Variants in GRIK1 observed in about 807,000 individuals in gnomAD.
GRIK1 encodes glutamate receptor ionotropic, kainate 1.
Under a neutral mutation model 105.7 loss-of-function variants are expected in GRIK1, and 69 were observed. The observed-to-expected ratio is 0.65, with a 90% CI of 0.54 to 0.80. GRIK1 has a LOEUF of 0.80. GRIK1 is among the 30% of genes least tolerant of loss of function. The pLI is 0.00. For synonymous variants in GRIK1, 438 were observed against 431.3 expected, an observed-to-expected ratio of 1.02 and a Z score of -0.19; for missense variants, 1,109 against 1,167.3, an observed-to-expected ratio of 0.95 and a Z score of 0.73.
intron 1 of GRIK1, among the ~76,000 whole-genome samples, chr21:29,718,847 TAGCTC>T (rs1012370004): frequency 2.6e-5 from 4 of 152,318 alleles, no homozygotes; most frequent in East Asian, 1.9e-4. Context: ...TTGCACTCCT[TAGCTC>T]AGCTCTTACT....
chr21:29,793,915 C>A (rs2066490573), intron 1 of GRIK1, among the ~76,000 whole-genome samples: 1 of 152,084 alleles, frequency 6.6e-6, no homozygotes, highest in East Asian at 1.9e-4. Flanking sequence ...CAAACTTTGC[C>A]CTCGTGGAAG....
intron 3 of GRIK1, among the ~76,000 whole-genome samples, chr21:29,679,237 C>T (rs555471842): frequency 6.6e-6 from 1 of 152,196 alleles, no homozygotes; most frequent in Non-Finnish European, 1.5e-5. Context: ...TCAAATTAAT[C>T]CTTACAGTAA....
intron 14 of GRIK1, among the ~76,000 whole-genome samples, chr21:29,574,972 G>A (rs1204558949): frequency 6.6e-6 from 1 of 151,968 alleles, no homozygotes; most frequent in Non-Finnish European, 1.5e-5. Flanking sequence ...GGGATTACAA[G>A]CGTGAGCCAC....
chr21:29,915,951 G>T (rs1374135705), intron 1 of GRIK1, among the ~76,000 whole-genome samples: 1 of 151,868 alleles, frequency 6.6e-6, no homozygotes, highest in Non-Finnish European at 1.5e-5. Flanking sequence ...AAAACCTCAT[G>T]ATATATTCCA....
At chr21:29,824,151 A>G (rs1049652555) in intron 1 of GRIK1, among the ~76,000 whole-genome samples, 2 of 152,004 alleles carry the variant, frequency 1.3e-5, no homozygotes, top group African/African-American at 2.4e-5. Flanking sequence ...GGAAATTAAT[A>G]TATCTAATTA....
At chr21:29,707,020 G>A (rs988607804) in intron 1 of GRIK1, among the ~76,000 whole-genome samples, 7 of 152,236 alleles carry the variant, frequency 4.6e-5, no homozygotes, top group African/African-American at 7.2e-5. Context: ...GCCCGCCACC[G>A]CGCCCTGCTA....
chr21:29,584,678 A>AGACCAGCTACTTGGGAGGCTGAGGCAG (rs1197686697), intron 12 of GRIK1, among the ~76,000 whole-genome samples: 1 of 152,226 alleles, frequency 6.6e-6, no homozygotes, highest in Non-Finnish European at 1.5e-5. Flanking sequence ...AAAGAACATA[A>AGACCAGCTACTTGGGAGGCTGAGGCAG]GAGAATACAA....
chr21:29,733,306 G>T lies in GRIK1; in HGVS notation c.119-39243C>A, dbSNP rs544771825. Among the ~76,000 whole-genome samples the T allele has an allele frequency of 4.6e-5, 7 of 152,134 alleles. No homozygotes were observed. The East Asian group carries it at 1.4e-3, about 29-fold the overall frequency. On this transcript the variant is annotated intron_variant, in intron 1 of 17. Coordinates refer to ENST00000327783, the MANE Select transcript of GRIK1 (RefSeq NM_001330994.2). ...ATATAAATTTTACTGATATTAGAAT[G>T]TATACCAATAACTTATAAATAATAA...
intron 3 of GRIK1, among the ~76,000 whole-genome samples, chr21:29,674,261 ATT>A (rs34189201): frequency 1.5e-5 from 2 of 135,614 alleles, no homozygotes; most frequent in South Asian, 2.3e-4. Flanking sequence ...TTATGTAGCT[ATT>A]TTTTTTTTTA....
At chr21:29,686,487 G>A (rs529010327) in intron 3 of GRIK1, among the ~76,000 whole-genome samples, 3 of 152,316 alleles carry the variant, frequency 2.0e-5, no homozygotes, top group South Asian at 2.1e-4. Flanking sequence ...CACTTCATAT[G>A]TGTACAAAAT....
At chr21:29,734,416 CTTTTCTTTTT>C (rs71191122) in intron 1 of GRIK1, among the ~76,000 whole-genome samples, 8,517 of 27,102 alleles carry the variant, frequency 0.31, 1,155 homozygotes, top group Non-Finnish European at 0.49. Context: ...CTTTTCTTTT[CTTTTCTTTTT>C]GAGACAGAGT....
intron 1 of GRIK1, among the ~76,000 whole-genome samples, chr21:29,798,706 C>T (rs1208359779): frequency 6.6e-6 from 1 of 152,188 alleles, no homozygotes; most frequent in African/African-American, 2.4e-5. Context: ...CCTCTCAATT[C>T]CTGTCTCCAA....
rs2090221757 is a variant in GRIK1 at position 29,555,238 on chromosome 21, A to G, written c.2421T>C (p.His807=). 1 of 1,613,628 alleles carries G rather than the reference A, an allele frequency of 6.2e-7. No individual in the cohort carries two copies. Among genetic ancestry groups the G allele is most frequent in the Non-Finnish European group, 8.5e-7 (1 of 1,179,642 alleles). The change falls in exon 16 of 18, where the codon CAT becomes CAC. Residue 807 remains histidine (H), a synonymous_variant. Coordinates refer to ENST00000327783, the MANE Select transcript of GRIK1 (RefSeq NM_001330994.2). The part of the protein sequence containing the change: ...ILQLQEEGKL[H]MMKEKWWRGN... ...CACGCCACCACTTCTCTTTCATCAT[A>G]TGCAGCTTCCCTTCTTCTTGGAGTT...
chr21:29,654,094 T>A (rs550390450), intron 5 of GRIK1, among the ~76,000 whole-genome samples: 1 of 152,258 alleles, frequency 6.6e-6, no homozygotes, highest in South Asian at 2.1e-4. Flanking sequence ...CGAGCTTGAT[T>A]CTGTTTTTCT....
In GRIK1 at chr21:29,704,661, C is replaced by T. The variant is rs193151615; in HGVS notation, c.119-10598G>A. ...TGCCAAGAGAGAGGCCTTTGAGATA[C>T]GTAGGAAAGATGGAGGGTGGTTATT... On this transcript the variant is annotated intron_variant, in intron 1 of 17. Transcript: ENST00000327783. Among the ~76,000 whole-genome samples the T allele has an allele frequency of 1.4e-3, 210 of 152,276 alleles. 1 individual carries two copies. Among genetic ancestry groups the T allele is most frequent in the Non-Finnish European group, 2.6e-4 (18 of 68,016 alleles).
intron 1 of GRIK1, among the ~76,000 whole-genome samples, chr21:29,851,543 T>C (rs1359772938): frequency 1.3e-5 from 2 of 152,234 alleles, no homozygotes; most frequent in African/African-American, 4.8e-5. Flanking sequence ...TCTAGCCCTA[T>C]AATGCAGTGG....
intron 1 of GRIK1, among the ~76,000 whole-genome samples, chr21:29,843,904 A>G (rs2146014041): frequency 6.6e-6 from 1 of 152,308 alleles, no homozygotes; most frequent in East Asian, 1.9e-4. Flanking sequence ...TTCAGTCCCC[A>G]CAGACTCCTA....
chr21:29,710,572 G>A (rs1351427137), intron 1 of GRIK1, among the ~76,000 whole-genome samples: 1 of 151,952 alleles, frequency 6.6e-6, no homozygotes, highest in Non-Finnish European at 1.5e-5. Flanking sequence ...GTTTTAGACT[G>A]TTACCTATTT....
chr21:29,846,259 A>C (rs993705950), intron 1 of GRIK1, among the ~76,000 whole-genome samples: 1 of 151,516 alleles, frequency 6.6e-6, no homozygotes, highest in Non-Finnish European at 1.5e-5. Context: ...CGCGTGGCGC[A>C]TGCCTGTAAT....
Sources: allele counts gnomAD v4.1 joint callset (sites outside exome capture counted in the v4.1 genomes callset), GRCh38; gene constraint gnomAD v4.1.1; transcripts MANE v1.5; gene names NCBI Gene and HGNC (gene_info 2026-07-23, HGNC 2026-07-21).